TRPS1: variants seen among roughly 807,000 people sequenced by gnomAD.
TRPS1 encodes the protein transcriptional repressor GATA binding 1.
In TRPS1, 6 loss-of-function variants were observed where a neutral mutation model predicts 101.2. The observed-to-expected ratio is 0.06, with a 90% CI of 0.03 to 0.12. The LOEUF is 0.12. TRPS1 is among the 10% of genes least tolerant of loss of function. The pLI is 1.00. For synonymous variants in TRPS1, 578 were observed against 589.8 expected, an observed-to-expected ratio of 0.98 and a Z score of 0.29; for missense variants, 1,363 against 1,567.0, an observed-to-expected ratio of 0.87 and a Z score of 2.20.
chr8:115,538,403 C>T (rs540626841), intron 5 of TRPS1, among the ~76,000 whole-genome samples: 13 of 151,944 alleles, frequency 8.6e-5, no homozygotes, highest in Middle Eastern at 3.4e-3. Flanking sequence ...CACATTTTAC[C>T]GACTATCTTG....
intron 5 of TRPS1, among the ~76,000 whole-genome samples, chr8:115,487,182 G>A (rs1421252470): frequency 6.6e-6 from 1 of 152,044 alleles, no homozygotes; most frequent in Non-Finnish European, 1.5e-5. Flanking sequence ...GGACAGCAAA[G>A]CCTGGATGAC....
intron 4 of TRPS1, among the ~76,000 whole-genome samples, chr8:115,593,271 T>C (rs779917495): frequency 2.0e-5 from 3 of 152,208 alleles, no homozygotes; most frequent in South Asian, 2.1e-4. Flanking sequence ...TGTTTGGAGA[T>C]TGTCTTTAAA....
At position 115,456,291 on chromosome 8, in the gene TRPS1, T is replaced by C. The variant is rs192958571; in HGVS notation, c.2701-37839A>G. 2.7e-4 allele frequency among the ~76,000 whole-genome samples: 41 copies of C among 152,288 alleles called. No individual in the cohort carries two copies. The East Asian group carries it at 7.0e-3, about 26-fold the overall frequency. On this transcript the variant is annotated intron_variant, in intron 5 of 6. Transcript: ENST00000395715. ...TGTATACATCCTATTCTATGTTACG[T>C]GACCCTGAATTATTTGCTTTAAATT...
intron 5 of TRPS1, among the ~76,000 whole-genome samples, chr8:115,419,340 A>G (rs374719564): frequency 7.2e-5 from 11 of 152,172 alleles, no homozygotes; most frequent in Admixed American, 2.6e-4. Context: ...GTAGGCACAA[A>G]TACTAACAGG....
intron 5 of TRPS1, among the ~76,000 whole-genome samples, chr8:115,430,315 G>A (rs541451184): frequency 6.6e-6 from 1 of 152,256 alleles, no homozygotes; most frequent in South Asian, 2.1e-4. Context: ...GGGAAAGGAG[G>A]CTCTTGAAGA....
intron 5 of TRPS1, among the ~76,000 whole-genome samples, chr8:115,506,746 T>C (rs764306662): frequency 5.3e-5 from 8 of 152,112 alleles, no homozygotes; most frequent in Non-Finnish European, 1.0e-4. Flanking sequence ...GGTAGTTTTA[T>C]TTGTGCCTGG....
chr8:115,586,972 T>G lies in TRPS1; in HGVS notation c.2700+29A>C, dbSNP rs2293889. The G allele has an allele frequency of 0.61, 980,037 of 1,613,052 alleles. 303,785 individuals are homozygous for G. The highest frequency in any genetic ancestry group is 0.89 in the African/African-American group (67,072 of 75,012). ...TCCTCCTTTTGCCCTTCAAAACAAATGAATTATTTAAAAATGAAACCATCC... is the reference window on the plus strand; with the variant it reads ...TCCTCCTTTTGCCCTTCAAAACAAAGGAATTATTTAAAAATGAAACCATCC... On this transcript the variant is annotated intron_variant, in intron 5 of 6. Transcript: ENST00000395715.
At position 115,569,425 on chromosome 8, in the gene TRPS1, T is replaced by G. The variant is rs1235434287; in HGVS notation, c.2700+17576A>C. Among the ~76,000 whole-genome samples the G allele has an allele frequency of 2.0e-5, 3 of 152,150 alleles. No individual in the cohort carries two copies. In the East Asian group the frequency reaches 5.8e-4, roughly 29 times the overall value. ...AAAGAGCTCCATGCCTTTATAGATT[T>G]CAGTTTCATAAATATAACCTGTACT... On this transcript the variant is annotated intron_variant, in intron 5 of 6. Coordinates refer to ENST00000395715, the MANE Select transcript of TRPS1 (RefSeq NM_014112.5).
intron 5 of TRPS1, among the ~76,000 whole-genome samples, chr8:115,497,371 G>A (rs6995419): frequency 0.023 from 3,501 of 152,256 alleles, 127 homozygotes; most frequent in African/African-American, 0.079. Context: ...GGCGGAGCTC[G>A]GGCCATCATG....
intron 5 of TRPS1, among the ~76,000 whole-genome samples, chr8:115,517,168 T>C (rs1815734021): frequency 6.6e-6 from 1 of 151,712 alleles, no homozygotes; most frequent in Non-Finnish European, 1.5e-5. Context: ...AATCTCTATC[T>C]TTCCATAATC....
intron 5 of TRPS1, among the ~76,000 whole-genome samples, chr8:115,453,099 G>A (rs766697393): frequency 1.3e-5 from 2 of 151,570 alleles, no homozygotes; most frequent in African/African-American, 4.9e-5. Flanking sequence ...TCGGCTCACT[G>A]CAACCTCCGC....
intron 5 of TRPS1, among the ~76,000 whole-genome samples, chr8:115,450,083 C>G (rs914456668): frequency 2.0e-5 from 3 of 151,974 alleles, no homozygotes; most frequent in Admixed American, 6.5e-5. Flanking sequence ...CGTGATGCAA[C>G]TACACACAGT....
intron 5 of TRPS1, among the ~76,000 whole-genome samples, chr8:115,508,535 T>G (rs947256902): frequency 2.6e-5 from 4 of 152,060 alleles, no homozygotes; most frequent in African/African-American, 9.7e-5. Flanking sequence ...GGTGAGCTTA[T>G]ATTTTATATC....
intron 1 of TRPS1, among the ~76,000 whole-genome samples, chr8:115,666,415 A>G (rs779496144): frequency 2.9e-4 from 35 of 119,298 alleles, no homozygotes; most frequent in Non-Finnish European, 5.0e-4. Context: ...TTGGGGAAAG[A>G]AAAAAAAAAA....
intron 5 of TRPS1, among the ~76,000 whole-genome samples, chr8:115,430,728 TATAC>T (rs1185765041): frequency 1.3e-5 from 2 of 152,102 alleles, no homozygotes; most frequent in African/African-American, 4.8e-5. Flanking sequence ...TACAAACATA[TATAC>T]ATACATACAC....
rs533263841 is a variant in TRPS1, at chr8:115,427,501, T to C, written c.2701-9049A>G. Among the ~76,000 whole-genome samples the C allele has an allele frequency of 7.2e-5, 11 of 152,160 alleles. No homozygotes were observed. In the East Asian group the frequency reaches 2.1e-3, roughly 29 times the overall value. ...TATTATTATTATTCCCTCCACTTTA[T>C]AGATGAGAAAACTGAGGCTTAGAAG... On this transcript the variant is annotated intron_variant, in intron 5 of 6. Coordinates refer to ENST00000395715, the MANE Select transcript of TRPS1 (RefSeq NM_014112.5).
intron 5 of TRPS1, among the ~76,000 whole-genome samples, chr8:115,441,428 G>A (rs1813589971): frequency 6.6e-6 from 1 of 152,130 alleles, no homozygotes; most frequent in South Asian, 2.1e-4. Flanking sequence ...TCTGTACTTG[G>A]CTAGGCTCAG....
At chr8:115,428,595 TG>T (rs1253791116) in intron 5 of TRPS1, among the ~76,000 whole-genome samples, 2 of 152,158 alleles carry the variant, frequency 1.3e-5, no homozygotes, top group Admixed American at 1.3e-4. Context: ...AAAGAGTTAA[TG>T]ACAAACTATG....
At chr8:115,632,750 T>C (rs1028776240) in intron 1 of TRPS1, among the ~76,000 whole-genome samples, 2 of 152,136 alleles carry the variant, frequency 1.3e-5, no homozygotes, top group African/African-American at 4.8e-5. Context: ...TCAATGTATA[T>C]GGACACGTGT....
Sources: gnomAD v4.1 joint callset for allele counts (sites outside exome capture counted in the v4.1 genomes callset) on GRCh38, gnomAD v4.1.1 for gene constraint, MANE v1.5 for transcripts, NCBI Gene and HGNC (gene_info 2026-07-23, HGNC 2026-07-21) for gene names.